ABCB11: variants seen among roughly 807,000 people sequenced by gnomAD.
ABCB11 encodes bile salt export pump.
ABCB11 carries 95 observed loss-of-function variants against 148.0 expected under a neutral mutation model. The ratio of observed to expected loss-of-function variants is 0.64; its 90% CI spans 0.54 to 0.76. The LOEUF (loss-of-function observed/expected upper bound fraction) is 0.76. Ranked by LOEUF, ABCB11 falls within the 30% of genes least tolerant of loss-of-function variation. The pLI is 0.00. For synonymous variants in ABCB11, 591 were observed against 555.4 expected, an observed-to-expected ratio of 1.06 and a Z score of -0.90; for missense variants, 1,523 against 1,617.8, an observed-to-expected ratio of 0.94 and a Z score of 1.01.
At chr2:168,979,413 C>T (rs138008974) in intron 11 of ABCB11, among the ~76,000 whole-genome samples, 82 of 152,220 alleles carry the variant, frequency 5.4e-4, no homozygotes, top group African/African-American at 8.4e-4. Context: ...CCACCCCAGT[C>T]GCTGTCACAT....
At chr2:169,028,168 C>A (rs1248606198) in intron 1 of ABCB11, among the ~76,000 whole-genome samples, 1 of 151,994 alleles carries the variant, frequency 6.6e-6, no homozygotes, top group Non-Finnish European at 1.5e-5. Context: ...TTCAGGGCAG[C>A]CTGAGGCCCA....
intron 5 of ABCB11, among the ~76,000 whole-genome samples, chr2:169,003,449 C>T (rs1056523788): frequency 2.7e-5 from 4 of 150,252 alleles, no homozygotes; most frequent in African/African-American, 4.9e-5. Flanking sequence ...CTGTATCATA[C>T]GTAATATATA....
At chr2:168,920,358 C>T (rs1216235308), downstream of ABCB11, among the ~76,000 whole-genome samples, 1 of 142,848 alleles carries the variant, frequency 7.0e-6, no homozygotes, top group South Asian at 2.3e-4. Context: ...TGATCTTAGA[C>T]TATTTTTTAA....
At chr2:169,009,643 G>A (rs1223469283) in intron 5 of ABCB11, among the ~76,000 whole-genome samples, 3 of 151,564 alleles carry the variant, frequency 2.0e-5, no homozygotes, top group Admixed American at 6.6e-5. Flanking sequence ...ACGAGTTGAT[G>A]GGTGCAGCAC....
At chr2:168,943,123 A>G (rs1574413876) in intron 21 of ABCB11, among the ~76,000 whole-genome samples, 1 of 151,960 alleles carries the variant, frequency 6.6e-6, no homozygotes, top group African/African-American at 2.4e-5. Flanking sequence ...TACTCTCTGA[A>G]TTCTAGTGAT....
chr2:168,935,071 G>T, intron 23 of ABCB11, 113 bp downstream of exon 23: 1 of 1,433,222 alleles, frequency 7.0e-7, no homozygotes, highest in Non-Finnish European at 9.6e-7. Context: ...CCCAGCTATT[G>T]TAAGACACCA....
At position 168,973,741 on chromosome 2, in the gene ABCB11, GC is replaced by G; in HGVS notation, c.1407del (p.Gln469HisfsTer11). On this transcript the variant is annotated frameshift_variant, in exon 13 of 28. Coordinates refer to ENST00000650372, the MANE Select transcript of ABCB11 (RefSeq NM_003742.4). LOFTEE classifies it high-confidence loss of function. ...AGKSTALQLI[Q>X]RFYDPCEGMV... The stretch of plus-strand genomic sequence containing the variant: ...ATTCCTTCACAGGGGTCATAGAATC[GC>G]TGAATGAGTTGCAGTGCTGTACTTT... 6.2e-7 allele frequency: 1 copy of G among 1,611,958 alleles called. No homozygotes were observed. The highest frequency in any genetic ancestry group is 1.1e-5 in the South Asian group (1 of 91,032).
rs59016348 is a variant in ABCB11, at chr2:168,969,131, A to G, written c.2011+219T>C. Among the ~76,000 whole-genome samples the G allele has an allele frequency of 0.015, 1,975 of 132,728 alleles. 184 individuals are homozygous for G. The East Asian group carries it at 0.27, about 18-fold the overall frequency. 87.1% of individuals were successfully genotyped at this position (132,728 alleles called of 152,430 possible). ...TGCGCAGGGTTAAAAAAAAAAAAAA[A>G]GGGGGGGATGGAATTGAAAGTTAGA... On this transcript the variant is annotated intron_variant, in intron 16 of 27. Coordinates refer to ENST00000650372, the MANE Select transcript of ABCB11 (RefSeq NM_003742.4).
intron 21 of ABCB11, among the ~76,000 whole-genome samples, chr2:168,938,791 C>T (rs747964450): frequency 7.9e-5 from 12 of 151,700 alleles, no homozygotes; most frequent in South Asian, 2.1e-4. Context: ...TTTGGGATGT[C>T]GTTATTTTGT....
chr2:168,936,175 T>C (rs1198044266), intron 22 of ABCB11, 55 bp downstream of exon 22: 6 of 1,534,130 alleles, frequency 3.9e-6, no homozygotes, highest in Non-Finnish European at 5.3e-6. Flanking sequence ...TTTTAACAGT[T>C]TGTCTGATAG....
At chr2:168,999,443 A>G (rs1384272768) in intron 5 of ABCB11, among the ~76,000 whole-genome samples, 1 of 152,032 alleles carries the variant, frequency 6.6e-6, no homozygotes, top group Admixed American at 6.6e-5. Flanking sequence ...CATCATCTCA[A>G]GACTCCCTCA....
At position 168,944,695 on chromosome 2, in the gene ABCB11, C is replaced by A. The variant is rs369231927; in HGVS notation, c.2520G>T (p.Leu840=). ...CATCAAACCAGGCAATATCTTGCCC[C>A]AGCATTGCCCTGAAACCAAATTTAC... is the stretch of plus-strand genomic sequence containing the variant. ...RLRKFGFRAM[L]GQDIAWFDDL... Residue 840 remains leucine, a synonymous_variant, in exon 21 of 28, where the codon CTG becomes CTT. Transcript: ENST00000650372. 1.7e-5 allele frequency: 27 copies of A among 1,612,880 alleles called. No homozygotes were observed. In the African/African-American group the frequency reaches 3.3e-4, roughly 20 times the overall value.
intron 19 of ABCB11, among the ~76,000 whole-genome samples, chr2:168,950,821 C>G (rs1363949038): frequency 6.6e-6 from 1 of 151,674 alleles, no homozygotes; most frequent in African/African-American, 2.4e-5. Context: ...GTTGTGTTTG[C>G]TTTTGAGGAC....
At chr2:168,970,245 G>A (rs368390011) in intron 14 of ABCB11, 30 bp from the exon 15 acceptor site, 15 of 1,600,794 alleles carry the variant, frequency 9.4e-6, no homozygotes, top group Non-Finnish European at 1.1e-5. Context: ...AGTCATGAAG[G>A]GAAAAGAATT....
Position 168,936,230 on chromosome 2 carries a change from C to G in ABCB11, c.2814G>C (p.Gln938His). ...GGGAAAATTAGATCTGCAAGATTAC[C>G]TGTCCCACCATCTCCAGGGCCTGCT... is the stretch of plus-strand genomic sequence containing the variant. ...RDKQALEMVG[Q>H]ITNEALSNIR... The change falls in exon 22 of 28, where the codon CAG becomes CAC. Residue 938 changes from glutamine (Q) to histidine (H), a missense_variant and splice_region_variant. Coordinates refer to ENST00000650372, the MANE Select transcript of ABCB11 (RefSeq NM_003742.4). 1 of 1,612,140 alleles carries G rather than the reference C, an allele frequency of 6.2e-7. No homozygotes were observed. The highest frequency in any genetic ancestry group is 8.5e-7 in the Non-Finnish European group (1 of 1,178,560).
intron 19 of ABCB11, among the ~76,000 whole-genome samples, chr2:168,956,228 G>C (rs1466012971): frequency 2.0e-5 from 3 of 151,410 alleles, no homozygotes; most frequent in Admixed American, 1.3e-4. Flanking sequence ...AATAGCAAGG[G>C]GGAAATCCAC....
At chr2:168,968,283 A>G in intron 17 of ABCB11, 144 bp downstream of exon 17, 2 of 706,128 alleles carry the variant, frequency 2.8e-6, no homozygotes, top group Non-Finnish European at 5.0e-6. Flanking sequence ...ACCAAGGATC[A>G]CTTGCATGTT....
chr2:168,949,655 A>G (rs1006679624), intron 19 of ABCB11, among the ~76,000 whole-genome samples: 1 of 151,708 alleles, frequency 6.6e-6, no homozygotes, highest in African/African-American at 2.4e-5. Flanking sequence ...GACAATAAAC[A>G]TATGAGTGCA....
At chr2:168,977,958 C>G (rs1035663407) in intron 11 of ABCB11, among the ~76,000 whole-genome samples, 4 of 152,030 alleles carry the variant, frequency 2.6e-5, no homozygotes, top group African/African-American at 9.7e-5. Flanking sequence ...CCATATCAAT[C>G]ACTTTAGCTC....
Sources: allele counts gnomAD v4.1 joint callset (sites outside exome capture counted in the v4.1 genomes callset), GRCh38; gene constraint gnomAD v4.1.1; transcripts MANE v1.5; gene names NCBI Gene and HGNC (gene_info 2026-07-23, HGNC 2026-07-21).